Variants in GIT2 observed in about 807,000 individuals in gnomAD.
GIT2 encodes the protein ARF GTPase-activating protein GIT2.
In GIT2, 32 loss-of-function variants were observed where a neutral mutation model predicts 100.3. That is an observed-to-expected ratio of 0.32 (90% CI 0.24 to 0.43). The LOEUF is 0.43. Among genes scored for constraint, GIT2 ranks in the 20% least tolerant of loss-of-function variants. The pLI, the probability that GIT2 is intolerant of heterozygous loss-of-function variation, is 1.00. For missense variants in GIT2, 737 were observed against 975.1 expected (o/e 0.76, Z 3.25); for synonymous variants, 353 against 364.1 (o/e 0.97, Z 0.35).
chr12:109,938,542 C>G lies in GIT2; in HGVS notation c.1841G>C (p.Ser614Thr), dbSNP rs767383918. Residue 614 changes from serine to threonine, a missense_variant, in exon 18 of 20, where the codon AGT becomes ACT. Coordinates refer to ENST00000355312, the MANE Select transcript of GIT2 (RefSeq NM_057169.5). The stretch of plus-strand genomic sequence containing the variant: ...CAAGCCATCCCCTGGCCACACCATA[C>G]TTCTTTGCCGTCCCTTTCGGCTTGA... ...MGSSRKGRQR[S>T]MVWPGDGLVP... 23 of 1,605,760 alleles carry G rather than the reference C, an allele frequency of 1.4e-5. No individual in the cohort carries two copies. The highest frequency in any genetic ancestry group is 1.9e-5 in the Non-Finnish European group (22 of 1,176,830).
Position 109,948,356 on chromosome 12 carries a change from C to G in GIT2, c.1393-852G>C. On this transcript the variant is annotated intron_variant, in intron 14 of 19. Coordinates refer to ENST00000355312, the MANE Select transcript of GIT2 (RefSeq NM_057169.5). The surrounding 1 kb of genome is among the most constrained non-coding windows in gnomAD (Gnocchi z 4.3). Reference sequence around the variant, plus strand: ...AAAAACACGACCTCAGTGGTGTCAGCTTTGAACATGCTAATCTGCCTGGCA... The same window carrying G: ...AAAAACACGACCTCAGTGGTGTCAGGTTTGAACATGCTAATCTGCCTGGCA... 1 of 990,000 alleles carries G rather than the reference C, an allele frequency of 1.0e-6. No homozygotes were observed. The highest frequency in any genetic ancestry group is 1.2e-6 in the Non-Finnish European group (1 of 832,974). 61.3% of individuals were successfully genotyped at this position (990,000 alleles called of 1,614,324 possible).
chr12:109,948,494 C>T lies in GIT2; in HGVS notation c.1393-990G>A, dbSNP rs868019114. The T allele has an allele frequency of 5.9e-5, 70 of 1,185,878 alleles. No individual in the cohort carries two copies. Among genetic ancestry groups the T allele is most frequent in the Middle Eastern group, 3.4e-4 (1 of 2,908 alleles). The allele number at this position is 1,185,878 out of a possible 1,614,324, so 73.5% of individuals were successfully genotyped here. A position where few individuals can be genotyped will look rare whatever the true frequency, so the allele number is the denominator to read the frequency against. On this transcript the variant is annotated intron_variant, in intron 14 of 19. Coordinates refer to ENST00000355312, the MANE Select transcript of GIT2 (RefSeq NM_057169.5). This position sits in a 1 kb window ranked among gnomAD's most constrained non-coding sequence, Gnocchi z 4.3. ...TAGAGTTAAGGGGTCAGCAGGGAAT[C>T]GTGTTACTCTTTGGCATCTGGCATT...
Position 109,951,175 on chromosome 12 carries a change from G to T in GIT2, c.1384C>A (p.Gln462Lys), listed in dbSNP as rs1002187561. 2.0e-5 allele frequency: 32 copies of T among 1,612,990 alleles called. No individual in the cohort carries two copies. Among genetic ancestry groups the T allele is most frequent in the Non-Finnish European group, 2.5e-5 (29 of 1,179,162 alleles). ...NNLSDELRIMQKKLQTLQSEN... is the reference protein window; with the variant it reads ...NNLSDELRIMKKKLQTLQSEN... ...ATTTATTAACATGTTACCTTTTTCT[G>T]CATAATTCTCAGCTCGTCACTCAAG... Residue 462 changes from glutamine (Q) to lysine (K), a missense_variant, in exon 14 of 20, where the codon CAG becomes AAG. Gln to Lys is a moderately conservative substitution (Grantham distance 53). Around this residue, in one of 3 missense-constraint regions of GIT2, gnomAD observed 451 missense variants for 543.7 expected, o/e 0.83. Coordinates refer to ENST00000355312, the MANE Select transcript of GIT2 (RefSeq NM_057169.5).
intron 1 of GIT2, among the ~76,000 whole-genome samples, chr12:109,995,175 G>A (rs1889117952): frequency 6.6e-6 from 1 of 152,174 alleles, no homozygotes. Flanking sequence ...AAAACAGCAT[G>A]TAATAATCTA....
chr12:109,935,688 G>A (rs138026740), intron 18 of GIT2, among the ~76,000 whole-genome samples: 10,754 of 152,246 alleles, frequency 0.071, 629 homozygotes, highest in African/African-American at 0.15. Context: ...GAGCCACCGC[G>A]CCCAGCCAGT....
chr12:109,960,381 T>G (rs1880741467), intron 11 of GIT2, among the ~76,000 whole-genome samples: 1 of 152,246 alleles, frequency 6.6e-6, no homozygotes, highest in Non-Finnish European at 1.5e-5. Context: ...CCCAGAACCT[T>G]GGGAGGCTGA....
intron 7 of GIT2, among the ~76,000 whole-genome samples, chr12:109,974,124 T>G (rs1053307469): frequency 6.6e-6 from 1 of 152,226 alleles, no homozygotes; most frequent in African/African-American, 2.4e-5. Context: ...CTCTAAGCAT[T>G]GCTTTGGCTG....
At chr12:109,954,715 A>G (rs1426860431) in intron 12 of GIT2, among the ~76,000 whole-genome samples, 6 of 152,088 alleles carry the variant, frequency 3.9e-5, no homozygotes, top group Non-Finnish European at 7.4e-5. Flanking sequence ...CCTGGCCAAC[A>G]TGGCAAAACC....
intron 1 of GIT2, among the ~76,000 whole-genome samples, chr12:109,995,128 C>T (rs1889107979): frequency 6.6e-6 from 1 of 152,166 alleles, no homozygotes; most frequent in Non-Finnish European, 1.5e-5. Context: ...GCCATGTTAC[C>T]TTCGAATTAA....
At position 109,995,486 on chromosome 12, in the gene GIT2, T is replaced by C. The variant is rs1593179558; in HGVS notation, c.52+687A>G. ...TCTTCCTCACCACTAAGCGTGATAC[T>C]CCCGATTATCCTCATTGAAAAAAAT... On this transcript the variant is annotated intron_variant, in intron 1 of 19. Transcript: ENST00000355312. 2.0e-5 allele frequency among the ~76,000 whole-genome samples: 3 copies of C among 152,208 alleles called. No individual in the cohort carries two copies. The East Asian group carries it at 5.8e-4, about 29-fold the overall frequency.
intron 2 of GIT2, 24 bp from the exon 3 acceptor site, chr12:109,989,826 A>AG (rs1480876399): frequency 8.2e-7 from 1 of 1,212,976 alleles, no homozygotes; most frequent in East Asian, 2.3e-5. Context: ...GGATGACATA[A>AG]GACTTTAATT....
intron 16 of GIT2, among the ~76,000 whole-genome samples, chr12:109,944,964 T>C (rs1252374113): frequency 6.6e-6 from 1 of 152,228 alleles, no homozygotes; most frequent in Non-Finnish European, 1.5e-5. Flanking sequence ...GCTAATTTTC[T>C]CGTTGTTTAA....
chr12:109,948,242 C>A lies in GIT2; in HGVS notation c.1393-738G>T, dbSNP rs575134972. 1.0e-6 allele frequency: 1 copy of A among 985,854 alleles called. No homozygotes were observed. The highest frequency in any genetic ancestry group is 1.2e-6 in the Non-Finnish European group (1 of 830,182). 61.1% of individuals were successfully genotyped at this position (985,854 alleles called of 1,614,324 possible). A position where few individuals can be genotyped will look rare whatever the true frequency, so the allele number is the denominator to read the frequency against. On this transcript the variant is annotated intron_variant, in intron 14 of 19. Transcript: ENST00000355312. The surrounding 1 kb of genome is among the most constrained non-coding windows in gnomAD (Gnocchi z 4.3). ...TTGACATCTTCGCATGGATGCTCCA[C>A]GCAGCACGCTTGCTTCCGTCTGGTG...
intron 7 of GIT2, among the ~76,000 whole-genome samples, chr12:109,975,973 T>C (rs1358303027): frequency 2.0e-5 from 3 of 152,010 alleles, no homozygotes; most frequent in Non-Finnish European, 4.4e-5. Context: ...GGTTTCACCA[T>C]GTTGGCCAGG....
chr12:109,992,955 A>G (rs1283729096), intron 1 of GIT2, among the ~76,000 whole-genome samples: 1 of 152,060 alleles, frequency 6.6e-6, no homozygotes, highest in East Asian at 1.9e-4. Context: ...TACAGGCTTG[A>G]GCCACTGTGC....
At position 109,933,664 on chromosome 12, in the gene GIT2, C is replaced by T. The variant is rs1262563788; in HGVS notation, c.2067+358G>A. 8.5e-6 allele frequency: 2 copies of T among 234,674 alleles called. No individual in the cohort carries two copies. Among genetic ancestry groups the T allele is most frequent in the Non-Finnish European group, 1.7e-5 (2 of 118,790 alleles). 14.5% of individuals were successfully genotyped at this position (234,674 alleles called of 1,614,324 possible). A position where few individuals can be genotyped will look rare whatever the true frequency, so the allele number is the denominator to read the frequency against. On this transcript the variant is annotated intron_variant, in intron 19 of 19. Transcript: ENST00000355312. The surrounding 1 kb of genome is among the most constrained non-coding windows in gnomAD (Gnocchi z 4.5). ...TTGCCCAGGCTGGAGCGCAATGGCA[C>T]GATCTTGACTCACTGCAACCTCCGC...
At position 109,941,822 on chromosome 12, in the gene GIT2, A is replaced by AT. The variant is rs199632899; in HGVS notation, c.1732-2576dup. On this transcript the variant is annotated intron_variant, in intron 16 of 19. Coordinates refer to ENST00000355312, the MANE Select transcript of GIT2 (RefSeq NM_057169.5). Reference sequence around the variant, plus strand: ...AGGTGTGAGCCACCGCACCCTGCCAATTTTTTTTCTTTTTTTTTTTTGAGA... The same window carrying AT: ...AGGTGTGAGCCACCGCACCCTGCCAATTTTTTTTTCTTTTTTTTTTTTGAGA... 3.5e-4 allele frequency among the ~76,000 whole-genome samples: 51 copies of AT among 147,086 alleles called. 2 individuals carry two copies. In the East Asian group the frequency reaches 0.01, roughly 30 times the overall value.
intron 12 of GIT2, among the ~76,000 whole-genome samples, chr12:109,959,153 C>A (rs1487560895): frequency 6.6e-6 from 1 of 151,480 alleles, no homozygotes; most frequent in Non-Finnish European, 1.5e-5. Context: ...CTGCAACCTC[C>A]GCCTCCCAGG....
rs1443881642 is a variant in GIT2 at position 109,996,270 on chromosome 12, A to G, written c.-46T>C. 2 of 1,403,640 alleles carry G rather than the reference A, an allele frequency of 1.4e-6. No homozygotes were observed. Among genetic ancestry groups the G allele is most frequent in the Admixed American group, 2.2e-5 (1 of 46,050 alleles). 86.9% of individuals were successfully genotyped at this position (1,403,640 alleles called of 1,614,324 possible). ...GGGGAACTAGAGGCCGGGGGACAGCAAAGGCGGCGGTGGCGGCGGCGCTTC... is the reference window on the plus strand; with the variant it reads ...GGGGAACTAGAGGCCGGGGGACAGCGAAGGCGGCGGTGGCGGCGGCGCTTC... On this transcript the variant is annotated 5_prime_UTR_variant, in exon 1 of 20. Coordinates refer to ENST00000355312, the MANE Select transcript of GIT2 (RefSeq NM_057169.5).
Sources: gnomAD v4.1 joint callset for allele counts (sites outside exome capture counted in the v4.1 genomes callset) on GRCh38, gnomAD v4.1.1 for gene constraint, gnomAD v4.1.1 regional missense constraint, Gnocchi (gnomAD v3.1) non-coding constraint, MANE v1.5 for transcripts, NCBI Gene and HGNC (gene_info 2026-07-23, HGNC 2026-07-21) for gene names.